Variants in FNBP4 observed in about 807,000 individuals in gnomAD.
FNBP4 encodes formin binding protein 4.
In FNBP4, 34 loss-of-function variants were observed where a neutral mutation model predicts 119.3. The ratio of observed to expected loss-of-function variants is 0.28; its 90% CI spans 0.22 to 0.38. FNBP4 has a LOEUF of 0.38. Ranked by LOEUF, FNBP4 falls within the 10% of genes least tolerant of loss-of-function variation. The pLI is 1.00. For synonymous variants in FNBP4, 462 were observed against 430.6 expected (o/e 1.07, Z -0.90); for missense variants, 1,112 against 1,228.9 (o/e 0.90, Z 1.42).
intron 9 of FNBP4, 103 bp from the exon 10 acceptor site, chr11:47,734,232 G>T: frequency 1.7e-6 from 1 of 572,706 alleles, no homozygotes; most frequent in East Asian, 3.1e-5. Flanking sequence ...ATATGGGTCT[G>T]CCTATAAACA....
chr11:47,729,181 C>A (rs571214592), intron 12 of FNBP4: 7 of 985,292 alleles, frequency 7.1e-6, no homozygotes, highest in Non-Finnish European at 8.4e-6. Flanking sequence ...GTATAGAAAG[C>A]CTTCCTTAAT....
At chr11:47,722,594 C>G (rs1047752426) in intron 15 of FNBP4, among the ~76,000 whole-genome samples, 1 of 150,980 alleles carries the variant, frequency 6.6e-6, no homozygotes, top group African/African-American at 2.4e-5. Flanking sequence ...ATTTCAATTT[C>G]TTTTTTCTTT....
At chr11:47,758,586 C>T (rs2097625282) in intron 2 of FNBP4, among the ~76,000 whole-genome samples, 1 of 151,984 alleles carries the variant, frequency 6.6e-6, no homozygotes, top group Non-Finnish European at 1.5e-5. Flanking sequence ...CGTTTGTGGA[C>T]AGGCATGGTG....
At chr11:47,766,950 A>G in intron 1 of FNBP4, 119 bp downstream of exon 1, 1 of 1,375,272 alleles carries the variant, frequency 7.3e-7, no homozygotes, top group Non-Finnish European at 9.3e-7. Flanking sequence ...GCAGGCCCGC[A>G]GCAGGCAGGC....
chr11:47,743,915 T>C, intron 8 of FNBP4, 38 bp downstream of exon 8: 1 of 1,569,396 alleles, frequency 6.4e-7, no homozygotes, highest in Non-Finnish European at 8.8e-7. Flanking sequence ...CCCCTCTATA[T>C]CTTTCAACTC....
chr11:47,757,166 C>G (rs1265123497), intron 2 of FNBP4, among the ~76,000 whole-genome samples: 1 of 152,172 alleles, frequency 6.6e-6, no homozygotes, highest in Non-Finnish European at 1.5e-5. Flanking sequence ...CCACTAACAG[C>G]ATAAAAGCGT....
chr11:47,751,769 T>C (rs1026550072), intron 4 of FNBP4, among the ~76,000 whole-genome samples: 6 of 152,026 alleles, frequency 3.9e-5, no homozygotes, highest in Non-Finnish European at 5.9e-5. Context: ...CTGATCAACA[T>C]GCAGAAACCC....
At chr11:47,762,276 T>C (rs1309494163) in intron 2 of FNBP4, among the ~76,000 whole-genome samples, 2 of 151,704 alleles carry the variant, frequency 1.3e-5, no homozygotes, top group African/African-American at 4.8e-5. Flanking sequence ...GGACTACAGG[T>C]GCGTGCCACC....
chr11:47,730,513 C>T (rs937364636), intron 12 of FNBP4, among the ~76,000 whole-genome samples: 1 of 152,200 alleles, frequency 6.6e-6, no homozygotes. Flanking sequence ...CAGTAGAGTA[C>T]AAGCATCAAT....
At chr11:47,751,825 G>A (rs1352421968) in intron 4 of FNBP4, among the ~76,000 whole-genome samples, 1 of 152,160 alleles carries the variant, frequency 6.6e-6, no homozygotes, top group South Asian at 2.1e-4. Context: ...GTGCGTGCCT[G>A]TAATCCCAGC....
intron 2 of FNBP4, among the ~76,000 whole-genome samples, chr11:47,758,874 A>G (rs1047816006): frequency 4.6e-5 from 7 of 151,346 alleles, no homozygotes; most frequent in African/African-American, 9.7e-5. Flanking sequence ...AGCGGGGGGG[A>G]AAAGAGAGAG....
intron 2 of FNBP4, among the ~76,000 whole-genome samples, chr11:47,762,906 CAAA>C (rs56659957): frequency 7.9e-5 from 8 of 100,640 alleles, no homozygotes; most frequent in South Asian, 4.6e-4. Context: ...ACTCTGATTC[CAAA>C]AAAAAAAAAA....
Position 47,752,900 on chromosome 11 carries a change from A to G in FNBP4, c.637+16T>C. ...AGGATTTTACTTTTCTTTAAAAATC[A>G]AAGGATCAAGTTTACCTCCTGCCAG... On this transcript the variant is annotated intron_variant, in intron 4 of 16. Transcript: ENST00000263773. 6.3e-7 allele frequency: 1 copy of G among 1,590,190 alleles called. No homozygotes were observed. The highest frequency in any genetic ancestry group is 2.2e-5 in the East Asian group (1 of 44,614).
At chr11:47,765,851 C>CTTTTTT (rs1167976570) in intron 1 of FNBP4, among the ~76,000 whole-genome samples, 16,782 of 81,932 alleles carry the variant, frequency 0.2, 3,984 homozygotes, top group African/African-American at 0.28. Context: ...GAGCTGGAAT[C>CTTTTTT]TTTTTTTTTT....
intron 8 of FNBP4, 123 bp downstream of exon 8, chr11:47,743,830 G>C (rs889530122): frequency 2.4e-6 from 2 of 850,874 alleles, no homozygotes; most frequent in Non-Finnish European, 3.6e-6. Flanking sequence ...TTCCTTCCCA[G>C]CACTTCTCCC....
At chr11:47,748,451 G>T (rs2097595286) in intron 6 of FNBP4, among the ~76,000 whole-genome samples, 1 of 151,504 alleles carries the variant, frequency 6.6e-6, no homozygotes, top group Admixed American at 6.6e-5. Context: ...CTGGCACAAT[G>T]ATAATTTTGA....
chr11:47,731,408 A>G lies in FNBP4; in HGVS notation c.1974T>C (p.Asp658=), dbSNP rs1255034541. 3 of 1,613,400 alleles carry G rather than the reference A, an allele frequency of 1.9e-6. No individual in the cohort carries two copies. The highest frequency in any genetic ancestry group is 2.5e-6 in the Non-Finnish European group (3 of 1,179,776). The part of the protein sequence containing the change: ...KQTLKDKTGT[D]SNSTESSETS... ...TTTCAGAGGATTCTGTTGAATTTGA[A>G]TCAGTGCCAGTTTTGTCTTTCAAGG... The change falls in exon 12 of 17, where the codon GAT becomes GAC. Residue 658 remains aspartate, a synonymous_variant. Transcript: ENST00000263773.
At chr11:47,750,710 A>T (rs1239167050) in intron 6 of FNBP4, among the ~76,000 whole-genome samples, 1 of 134,458 alleles carries the variant, frequency 7.4e-6, no homozygotes, top group Non-Finnish European at 1.6e-5. Flanking sequence ...AAAAAAAAAA[A>T]AAAAAAAGAA....
At chr11:47,747,765 T>C (rs547240075) in intron 6 of FNBP4, among the ~76,000 whole-genome samples, 12 of 151,716 alleles carry the variant, frequency 7.9e-5, no homozygotes, top group South Asian at 2.1e-4. Context: ...CTGGCCAACA[T>C]AGTGAAACCC....
Sources: gnomAD v4.1 joint callset for allele counts (sites outside exome capture counted in the v4.1 genomes callset) on GRCh38, gnomAD v4.1.1 for gene constraint, MANE v1.5 for transcripts, NCBI Gene and HGNC (gene_info 2026-07-23, HGNC 2026-07-21) for gene names.